Variants in SYT7 observed in about 807,000 individuals in gnomAD.
The protein encoded by SYT7 is synaptotagmin-7.
SYT7 carries 29 observed loss-of-function variants against 75.1 expected under a neutral mutation model. The ratio of observed to expected loss-of-function variants is 0.39; its 90% CI spans 0.29 to 0.53. The LOEUF is 0.53. Ranked by LOEUF, SYT7 falls within the 20% of genes least tolerant of loss-of-function variation. The pLI, the probability that SYT7 is intolerant of heterozygous loss-of-function variation, is 0.77. For synonymous variants in SYT7, 376 were observed against 401.7 expected, an observed-to-expected ratio of 0.94 and a Z score of 0.76; for missense variants, 693 against 953.2, an observed-to-expected ratio of 0.73 and a Z score of 3.59.
intron 6 of SYT7, among the ~76,000 whole-genome samples, chr11:61,541,610 G>A (rs994060273): frequency 1.3e-5 from 2 of 152,126 alleles, no homozygotes; most frequent in African/African-American, 2.4e-5. Context: ...GGTCATTACT[G>A]GAGGAAGGAG....
At chr11:61,537,885 C>T (rs1370266014) in intron 7 of SYT7, among the ~76,000 whole-genome samples, 1 of 152,202 alleles carries the variant, frequency 6.6e-6, no homozygotes, top group Non-Finnish European at 1.5e-5. Flanking sequence ...GCGCTTGCTC[C>T]GGGCCGGGGC....
rs1316051449 is a variant in SYT7 at position 61,528,159 on chromosome 11, C to T, written c.1227G>A (p.Glu409=). The stretch of plus-strand genomic sequence containing the variant: ...TCTCTCGGCTGCAACCCTCGTGGGC[C>T]TCATCCTCCTCGGAGCCTGGGGAGA... The part of the protein sequence containing the change: ...LMLSPGSEED[E]AHEGCSRENL... Residue 409 remains glutamate, a synonymous_variant, in exon 9 of 13, where the codon GAG becomes GAA. Coordinates refer to ENST00000539008, the MANE Select transcript of SYT7 (RefSeq NM_001365809.2). The T allele has an allele frequency of 6.2e-7, 1 of 1,612,176 alleles. No homozygotes were observed. The highest frequency in any genetic ancestry group is 8.5e-7 in the Non-Finnish European group (1 of 1,179,972).
chr11:61,561,427 T>C (rs979021118), intron 1 of SYT7, among the ~76,000 whole-genome samples: 1 of 152,144 alleles, frequency 6.6e-6, no homozygotes, highest in Non-Finnish European at 1.5e-5. Flanking sequence ...CAGCTCAGGA[T>C]GAAGGGTCTA....
rs981922301 is a variant in SYT7 at position 61,513,899 on chromosome 11, G to A, written c.*4728C>T. ...GATGGTCTGGGGAGCCACGAGCTGG[G>A]GCATCGGCGTGCTCAAGGCTTGTCC... On this transcript the variant is annotated 3_prime_UTR_variant, in exon 13 of 13. Transcript: ENST00000539008. Among the ~76,000 whole-genome samples the A allele has an allele frequency of 2.0e-5, 3 of 152,218 alleles. No homozygotes were observed. The highest frequency in any genetic ancestry group is 4.4e-5 in the Non-Finnish European group (3 of 68,046).
intron 8 of SYT7, chr11:61,530,837 C>G (rs1371832540): frequency 2.0e-6 from 2 of 985,324 alleles, no homozygotes; most frequent in Non-Finnish European, 2.4e-6. Flanking sequence ...GCCCTACTTA[C>G]TCAGCTGGGA....
intron 1 of SYT7, among the ~76,000 whole-genome samples, chr11:61,563,378 C>T (rs1363133101): frequency 6.6e-6 from 1 of 152,236 alleles, no homozygotes; most frequent in Admixed American, 6.5e-5. Context: ...ACCTCCCCTG[C>T]TGGGGAGGTC....
chr11:61,521,477 T>G (rs967946517), intron 12 of SYT7, among the ~76,000 whole-genome samples: 1 of 152,178 alleles, frequency 6.6e-6, no homozygotes, highest in Non-Finnish European at 1.5e-5. Context: ...GGCCACATAC[T>G]TTTTCTGGAG....
At chr11:61,544,978 G>A (rs1161372167) in intron 5 of SYT7, among the ~76,000 whole-genome samples, 1 of 152,222 alleles carries the variant, frequency 6.6e-6, no homozygotes, top group African/African-American at 2.4e-5. Flanking sequence ...TGGCCCAACA[G>A]CTAGGAAGGG....
chr11:61,527,120 C>A (rs937751365), intron 9 of SYT7, among the ~76,000 whole-genome samples: 1 of 152,156 alleles, frequency 6.6e-6, no homozygotes, highest in Non-Finnish European at 1.5e-5. Context: ...AGATAAAGAC[C>A]GGCCTTCAGA....
upstream of SYT7, among the ~76,000 whole-genome samples, chr11:61,582,023 C>T (rs1018694781): frequency 6.6e-6 from 1 of 152,030 alleles, no homozygotes; most frequent in African/African-American, 2.4e-5. Flanking sequence ...AGAAATGAAC[C>T]ATTAGTGGTA....
chr11:61,527,704 C>CG (rs777619998), intron 9 of SYT7, among the ~76,000 whole-genome samples: 1 of 152,206 alleles, frequency 6.6e-6, no homozygotes, highest in African/African-American at 2.4e-5. Context: ...CCTGTGTGGG[C>CG]GTGTGCGAGA....
chr11:61,529,902 G>A (rs192761992), intron 8 of SYT7, among the ~76,000 whole-genome samples: 118 of 152,248 alleles, frequency 7.8e-4, no homozygotes, highest in African/African-American at 2.6e-3. Context: ...CCCAAAGTGC[G>A]GAGATTACAG....
At chr11:61,569,642 G>C (rs2063866934) in intron 1 of SYT7, among the ~76,000 whole-genome samples, 1 of 152,060 alleles carries the variant, frequency 6.6e-6, no homozygotes, top group Non-Finnish European at 1.5e-5. Context: ...AGGTGCCCCA[G>C]AAAACGGTCA....
At position 61,513,858 on chromosome 11, in the gene SYT7, G is replaced by A. The variant is rs1300352259; in HGVS notation, c.*4769C>T. 4.6e-5 allele frequency among the ~76,000 whole-genome samples: 7 copies of A among 152,208 alleles called. No individual in the cohort carries two copies. Among genetic ancestry groups the A allele is most frequent in the Non-Finnish European group, 8.8e-5 (6 of 68,044 alleles). On this transcript the variant is annotated 3_prime_UTR_variant, in exon 13 of 13. Transcript: ENST00000539008. ...AGGACACAGACACGGGGAGCGGGGC[G>A]TCTTCACGGGAAACAGATGGTCTGG...
rs915874178 is a variant in SYT7 at position 61,546,988 on chromosome 11, T to C, written c.347+189A>G. Among the ~76,000 whole-genome samples, 1 of 150,758 alleles carries C rather than the reference T, an allele frequency of 6.6e-6. No homozygotes were observed. Among genetic ancestry groups the C allele is most frequent in the African/African-American group, 2.4e-5 (1 of 40,892 alleles). On this transcript the variant is annotated intron_variant, in intron 4 of 12. Coordinates refer to ENST00000539008, the MANE Select transcript of SYT7 (RefSeq NM_001365809.2). This position sits in a 1 kb window ranked among gnomAD's most constrained non-coding sequence, Gnocchi z 7.6. ...GGACGGGAGCGGGCAGGCAGGTGGG[T>C]TGGGGCAGGTGGGGTTGCTCGTCTC...
chr11:61,534,964 G>A (rs1653970672), intron 7 of SYT7, among the ~76,000 whole-genome samples: 2 of 152,242 alleles, frequency 1.3e-5, no homozygotes, highest in Admixed American at 6.5e-5. Context: ...AGCAGGGAGA[G>A]TGTGAGATTG....
chr11:61,543,717 T>C (rs912982787), intron 5 of SYT7, among the ~76,000 whole-genome samples: 1 of 152,198 alleles, frequency 6.6e-6, no homozygotes, highest in Non-Finnish European at 1.5e-5. Context: ...CCCATGCCAG[T>C]GGTTGGAGTC....
In SYT7 at chr11:61,520,125, C is replaced by G. The variant is rs541425134; in HGVS notation, c.1957-1394G>C. On this transcript the variant is annotated intron_variant, in intron 12 of 12. Transcript: ENST00000539008. Reference sequence around the variant, plus strand: ...CAAACTGGTCTCACACTCCTGACCTCGTGATCTGCCCGCCTTGGCCTCCCA... The same window carrying G: ...CAAACTGGTCTCACACTCCTGACCTGGTGATCTGCCCGCCTTGGCCTCCCA... 2.9e-5 allele frequency among the ~76,000 whole-genome samples: 4 copies of G among 137,130 alleles called. No homozygotes were observed. In the South Asian group the frequency reaches 6.7e-4, roughly 23 times the overall value. 90.0% of individuals were successfully genotyped at this position (137,130 alleles called of 152,430 possible).
At position 61,576,138 on chromosome 11, in the gene SYT7, T is replaced by C. The variant is rs1303776418; in HGVS notation, c.31+4652A>G. The stretch of plus-strand genomic sequence containing the variant: ...CCAGCCCTTTCCACAAGTCCCATGC[T>C]GTCTGCCAACTCTGTTCCAGCCCTT... On this transcript the variant is annotated intron_variant, in intron 1 of 12. Coordinates refer to ENST00000539008, the MANE Select transcript of SYT7 (RefSeq NM_001365809.2). This position sits in a 1 kb window ranked among gnomAD's most constrained non-coding sequence, Gnocchi z 4.1. 6.6e-6 allele frequency among the ~76,000 whole-genome samples: 1 copy of C among 152,240 alleles called. No homozygotes were observed. Among genetic ancestry groups the C allele is most frequent in the Non-Finnish European group, 1.5e-5 (1 of 68,038 alleles).
Sources: allele counts gnomAD v4.1 joint callset (sites outside exome capture counted in the v4.1 genomes callset), GRCh38; gene constraint gnomAD v4.1.1; non-coding constraint Gnocchi (gnomAD v3.1); transcripts MANE v1.5; gene names NCBI Gene and HGNC (gene_info 2026-07-23, HGNC 2026-07-21).